GLT1D1: variants seen among roughly 807,000 people sequenced by gnomAD.
The protein encoded by GLT1D1 is glycosyltransferase 1 domain-containing protein 1.
Under a neutral mutation model 28.7 loss-of-function variants are expected in GLT1D1, and 21 were observed. The ratio of observed to expected loss-of-function variants is 0.73; its 90% CI spans 0.52 to 1.05. The LOEUF is 1.05. GLT1D1 is among the 50% of genes least tolerant of loss of function. The pLI is 0.00. For synonymous variants in GLT1D1, 147 were observed against 124.8 expected (o/e 1.18, Z -1.19); for missense variants, 343 against 330.6 (o/e 1.04, Z -0.29).
At chr12:128,956,171 A>AAAAAAAAAAG (rs374597920) in intron 6 of GLT1D1, among the ~76,000 whole-genome samples, 8 of 63,966 alleles carry the variant, frequency 1.3e-4, no homozygotes, top group South Asian at 7.3e-4. Context: ...AAAAAAAAAA[A>AAAAAAAAAAG]AGAGAAAGAG....
intron 1 of GLT1D1, among the ~76,000 whole-genome samples, chr12:128,872,822 C>A (rs1049557814): frequency 7.2e-5 from 11 of 152,084 alleles, no homozygotes; most frequent in African/African-American, 1.9e-4. Context: ...AAAAACTATC[C>A]AACAATACAA....
chr12:128,945,274 C>G lies in GLT1D1; in HGVS notation c.376-52C>G, dbSNP rs369257551. 6 of 1,582,608 alleles carry G rather than the reference C, an allele frequency of 3.8e-6. No individual in the cohort carries two copies. In the East Asian group the frequency reaches 1.3e-4, roughly 35 times the overall value. ...GGCCTGGCCCGTGCTGGCCGGCTGG[C>G]AGCGCCACTAGCAGGCGGCGACCGC... On this transcript the variant is annotated intron_variant, in intron 4 of 7. Transcript: ENST00000281703.
chr12:128,932,941 G>A lies in GLT1D1; in HGVS notation c.376-12385G>A, dbSNP rs115550155. Among the ~76,000 whole-genome samples the A allele has an allele frequency of 4.8e-3, 733 of 152,262 alleles. 4 individuals are homozygous for A. The highest frequency in any genetic ancestry group is 0.017 in the African/African-American group (691 of 41,536). On this transcript the variant is annotated intron_variant, in intron 4 of 7. Transcript: ENST00000281703. ...TGAGTTTCTACGTTTCTAAGGTCTC[G>A]CGGAGTCTAAGAAATTACAAGCCCC... is the stretch of plus-strand genomic sequence containing the variant.
intron 3 of GLT1D1, among the ~76,000 whole-genome samples, chr12:128,891,758 C>A (rs1050599156): frequency 4.6e-5 from 7 of 152,158 alleles, no homozygotes; most frequent in Non-Finnish European, 8.8e-5. Flanking sequence ...CCTAGTCCTT[C>A]CTGAGGACCC....
intron 1 of GLT1D1, among the ~76,000 whole-genome samples, chr12:128,871,856 A>C (rs1956696744): frequency 6.6e-6 from 1 of 152,208 alleles, no homozygotes; most frequent in South Asian, 2.1e-4. Context: ...AAAAGAAAAA[A>C]GGGCTAGGTT....
At chr12:128,926,882 A>G (rs1017389270) in intron 4 of GLT1D1, among the ~76,000 whole-genome samples, 3 of 152,342 alleles carry the variant, frequency 2.0e-5, no homozygotes, top group African/African-American at 7.2e-5. Context: ...TAAATTAGAA[A>G]TCTGGACAAT....
intron 4 of GLT1D1, chr12:128,944,260 A>G (rs1875730603): frequency 1.7e-6 from 1 of 582,928 alleles, no homozygotes; most frequent in South Asian, 1.6e-5. Context: ...AGTTCCACAC[A>G]TTTCTCCTTA....
At chr12:128,899,908 G>A (rs1469382716) in intron 4 of GLT1D1, among the ~76,000 whole-genome samples, 1 of 152,132 alleles carries the variant, frequency 6.6e-6, no homozygotes, top group Non-Finnish European at 1.5e-5. Flanking sequence ...TATAAATGTT[G>A]CAGCAACCTT....
intron 3 of GLT1D1, among the ~76,000 whole-genome samples, chr12:128,892,011 A>T (rs1425179534): frequency 6.6e-6 from 1 of 152,176 alleles, no homozygotes; most frequent in Non-Finnish European, 1.5e-5. Context: ...AGGCGGGACA[A>T]CTGGAAGCGA....
chr12:128,966,249 C>G (rs1878447299), intron 7 of GLT1D1, among the ~76,000 whole-genome samples: 1 of 152,232 alleles, frequency 6.6e-6, no homozygotes, highest in Non-Finnish European at 1.5e-5. Flanking sequence ...GGCGTGCATA[C>G]CAGCCAGCAT....
intron 6 of GLT1D1, among the ~76,000 whole-genome samples, chr12:128,953,362 A>G (rs1876925927): frequency 1.3e-5 from 2 of 152,000 alleles, no homozygotes; most frequent in Non-Finnish European, 2.9e-5. Flanking sequence ...TTTTTTGTAG[A>G]AAAAGGAGCT....
chr12:128,873,913 CTCTTTCTTTT>C (rs201134790), intron 1 of GLT1D1, among the ~76,000 whole-genome samples: 6,440 of 122,246 alleles, frequency 0.053, 233 homozygotes, highest in Middle Eastern at 0.12. Flanking sequence ...CTTTCTTTCT[CTCTTTCTTTT>C]TCTTTCTTTC....
At chr12:128,948,128 T>C (rs1464867975) in intron 6 of GLT1D1, among the ~76,000 whole-genome samples, 2 of 152,174 alleles carry the variant, frequency 1.3e-5, no homozygotes, top group African/African-American at 4.8e-5. Context: ...GGCTGGGCTG[T>C]GTCCCCTCTT....
intron 1 of GLT1D1, among the ~76,000 whole-genome samples, chr12:128,872,645 C>G (rs1450222503): frequency 6.6e-6 from 1 of 152,132 alleles, no homozygotes; most frequent in African/African-American, 2.4e-5. Flanking sequence ...GAAATGGTCC[C>G]CATTCTCATG....
At chr12:128,919,550 A>G (rs1475565481) in intron 4 of GLT1D1, among the ~76,000 whole-genome samples, 1 of 152,192 alleles carries the variant, frequency 6.6e-6, no homozygotes, top group Non-Finnish European at 1.5e-5. Context: ...TTAATTTAAA[A>G]CATCAAACCC....
At chr12:128,914,756 G>C (rs1034645979) in intron 4 of GLT1D1, 177 bp from the exon 6 acceptor site, 38 of 491,996 alleles carry the variant, frequency 7.7e-5, no homozygotes, top group Non-Finnish European at 1.0e-4. Flanking sequence ...GGAAGAGGAG[G>C]TTGCAGTGAG....
chr12:128,927,134 C>T, intron 4 of GLT1D1: 1 of 1,535,794 alleles, frequency 6.5e-7, no homozygotes. Context: ...CAATGTGCAC[C>T]TGGTGATTGT....
chr12:128,952,318 C>T (rs1041405987), intron 6 of GLT1D1, among the ~76,000 whole-genome samples: 1 of 151,216 alleles, frequency 6.6e-6, no homozygotes, highest in Non-Finnish European at 1.5e-5. Context: ...ACTGTGGCCC[C>T]TCCCCAAATG....
In GLT1D1 at chr12:128,982,968, G is replaced by T. The variant is rs1193002157; in HGVS notation, c.679G>T (p.Ala227Ser). Residue 227 changes from alanine (A) to serine (S), a missense_variant, in exon 8 of 8, where the codon GCA becomes TCA. Coordinates refer to ENST00000281703, the MANE Select transcript of GLT1D1 (RefSeq NM_144669.3). ...GGCAAAGAGACTGGTTAGTGATCCT[G>T]CATTAGAAAAGGAAATCGTAGTGAA... The T allele has an allele frequency of 4.3e-6, 7 of 1,613,988 alleles. No homozygotes were observed. Among genetic ancestry groups the T allele is most frequent in the Non-Finnish European group, 5.9e-6 (7 of 1,179,964 alleles).
Sources: gnomAD v4.1 joint callset for allele counts (sites outside exome capture counted in the v4.1 genomes callset) on GRCh38, gnomAD v4.1.1 for gene constraint, MANE v1.5 for transcripts, NCBI Gene and HGNC (gene_info 2026-07-23, HGNC 2026-07-21) for gene names.